PNPLA7: variants seen among roughly 807,000 people sequenced by gnomAD.
The protein encoded by PNPLA7 is patatin like domain 7, lysophospholipase, also known as patatin-like phospholipase domain-containing protein 7.
In PNPLA7, 153 loss-of-function variants were observed where a neutral mutation model predicts 161.7. The observed-to-expected ratio is 0.95, with a 90% confidence interval of 0.83 to 1.08. The LOEUF (loss-of-function observed/expected upper bound fraction) is 1.08, where lower values mean the gene tolerates loss of function less well. PNPLA7 is among the 50% of genes least tolerant of loss of function. The probability of loss-of-function intolerance (pLI) is 0.00; values close to 1 mark genes in which losing one functional copy is unlikely to be tolerated. For synonymous variants in PNPLA7, 809 were observed against 782.1 expected (o/e 1.03, Z -0.57); for missense variants, 1,739 against 1,856.6 (o/e 0.94, Z 1.16).
At chr9:137,545,736 G>C (rs1326063275) in intron 4 of PNPLA7, among the ~76,000 whole-genome samples, 1 of 152,224 alleles carries the variant, frequency 6.6e-6, no homozygotes, top group Non-Finnish European at 1.5e-5. Flanking sequence ...TAGGAGCTGA[G>C]GGGACATAGT....
chr9:137,463,521 C>T lies in PNPLA7; in HGVS notation c.3237G>A (p.Trp1079Ter). 1 of 1,578,580 alleles carries T rather than the reference C, an allele frequency of 6.3e-7. No individual in the cohort carries two copies. The highest frequency in any genetic ancestry group is 1.2e-5 in the South Asian group (1 of 86,420). The change falls in exon 29 of 35, where the codon TGG becomes TGA. Residue 1079 changes from tryptophan to a stop codon, truncating the protein, a stop_gained. Coordinates refer to ENST00000406427, the MANE Select transcript of PNPLA7 (RefSeq NM_001098537.3). LOFTEE classifies it high-confidence loss of function. ...AMRVHTDGSL[W>*]WYVRASMSLS... ...GGGACATGCTGGCACGCACGTACCA[C>T]CACAGGGAGCCTGGGGAGGGGGCCC...
chr9:137,511,931 C>A (rs1467199399), intron 12 of PNPLA7, among the ~76,000 whole-genome samples: 2 of 152,184 alleles, frequency 1.3e-5, no homozygotes, highest in African/African-American at 2.4e-5. Context: ...AGGTGACTTG[C>A]TTGTCCTTAT....
intron 1 of PNPLA7, among the ~76,000 whole-genome samples, chr9:137,549,434 G>A (rs1452729703): frequency 6.6e-6 from 1 of 152,186 alleles, no homozygotes; most frequent in Non-Finnish European, 1.5e-5. Context: ...GCCGGGCGTG[G>A]TGGTGGGCGC....
Position 137,522,745 on chromosome 9 carries a change from A to C in PNPLA7, c.860T>G (p.Leu287Arg). 6.2e-7 allele frequency: 1 copy of C among 1,613,622 alleles called. No individual in the cohort carries two copies. The change falls in exon 9 of 35, where the codon CTG (leucine) becomes CGG (arginine). Residue 287 changes from leucine to arginine, a missense_variant. By Grantham distance (102) the Leu-to-Arg change is moderately radical. Coordinates refer to ENST00000406427, the MANE Select transcript of PNPLA7 (RefSeq NM_001098537.3). ...GTGACTCACCTGCACCACCCTCACCAGAGTTTCCGGATATTTCTCAAAAAC... is the reference window on the plus strand; with the variant it reads ...GTGACTCACCTGCACCACCCTCACCCGAGTTTCCGGATATTTCTCAAAAAC... ...HGVFEKYPET[L>R]VRVVQIIMVR...
At chr9:137,534,261 C>T (rs1019251412) in intron 8 of PNPLA7, among the ~76,000 whole-genome samples, 16 of 150,048 alleles carry the variant, frequency 1.1e-4, no homozygotes, top group Admixed American at 2.0e-4. Context: ...GGAGCACTCC[C>T]AGGCTCCTCA....
Position 137,500,658 on chromosome 9 carries a change from G to A in PNPLA7, c.1757+33C>T, listed in dbSNP as rs758734791. 1 of 1,601,122 alleles carries A rather than the reference G, an allele frequency of 6.2e-7. No individual in the cohort carries two copies. The highest frequency in any genetic ancestry group is 8.5e-7 in the Non-Finnish European group (1 of 1,172,244). Reference sequence around the variant, plus strand: ...GGGTCTCAGGGCAGGGGGGGCTGGGGCCCGCCCTGAGGTCCTGGCCCGTGG... The same window carrying A: ...GGGTCTCAGGGCAGGGGGGGCTGGGACCCGCCCTGAGGTCCTGGCCCGTGG... On this transcript the variant is annotated intron_variant, in intron 16 of 34. Transcript: ENST00000406427. The surrounding 1 kb of genome is among the most constrained non-coding windows in gnomAD (Gnocchi z 5.5).
rs1832193997 is a variant in PNPLA7, at chr9:137,481,039, C to T, written c.2348-16G>A. On this transcript the variant is annotated splice_polypyrimidine_tract_variant and intron_variant, in intron 21 of 34. Transcript: ENST00000406427. ...AGGGTCGGGCCTGAAAACACCACCA[C>T]CAGTAACGGAGCCTGCCTGGGCAGC... 5 of 1,551,592 alleles carry T rather than the reference C, an allele frequency of 3.2e-6. No individual in the cohort carries two copies. In the East Asian group the frequency reaches 1.2e-4, roughly 38 times the overall value.
chr9:137,512,769 C>T (rs761417074), intron 12 of PNPLA7, among the ~76,000 whole-genome samples: 7 of 151,440 alleles, frequency 4.6e-5, no homozygotes, highest in African/African-American at 1.7e-4. Context: ...GCAAGACACC[C>T]TCTCTACAGG....
rs546269845 is a variant in PNPLA7 at position 137,462,822 on chromosome 9, G to C, written c.3355C>G (p.Arg1119Gly). Residue 1119 changes from arginine to glycine, a missense_variant, in exon 30 of 35, where the codon CGG becomes GGG. Transcript: ENST00000406427. ...YINNLPADVA[R>G]SMGAKVVIAI... ...ATCACCACTTTTGCCCCCATGGACCGGGCCACATCCGCTAGGGAGAAGCCA... is the reference window on the plus strand; with the variant it reads ...ATCACCACTTTTGCCCCCATGGACCCGGCCACATCCGCTAGGGAGAAGCCA... 11 of 1,613,802 alleles carry C rather than the reference G, an allele frequency of 6.8e-6. No homozygotes were observed. Among genetic ancestry groups the C allele is most frequent in the Admixed American group, 5.0e-5 (3 of 60,016 alleles).
At position 137,497,303 on chromosome 9, in the gene PNPLA7, C is replaced by A. The variant is rs1005290251; in HGVS notation, c.1897G>T (p.Asp633Tyr). 4 of 1,567,872 alleles carry A rather than the reference C, an allele frequency of 2.6e-6. No individual in the cohort carries two copies. The highest frequency in any genetic ancestry group is 1.4e-5 in the African/African-American group (1 of 72,580). ...EAGRAIYRQG[D>Y]KSDCTYIMLS... The stretch of plus-strand genomic sequence containing the variant: ...ATGATGTACGTGCAGTCGGACTTGT[C>A]CCCCTGCCTGCGGAAGACACAGAGG... The change falls in exon 18 of 35, where the codon GAC (aspartate) becomes TAC (tyrosine). Residue 633 changes from aspartate to tyrosine, a missense_variant. Transcript: ENST00000406427.
chr9:137,503,466 G>T (rs1479848494), intron 14 of PNPLA7, among the ~76,000 whole-genome samples: 3 of 122,168 alleles, frequency 2.5e-5, no homozygotes, highest in Admixed American at 8.7e-5. Context: ...GGAGGGGGAA[G>T]GAGAAGGAGG....
intron 17 of PNPLA7, 147 bp downstream of exon 17, chr9:137,497,967 G>C: frequency 1.6e-6 from 2 of 1,263,174 alleles, no homozygotes; most frequent in Non-Finnish European, 2.2e-6. Flanking sequence ...GCTAAGCTGG[G>C]GTGGGGCTGG....
At chr9:137,546,157 G>A (rs1356736199) in intron 4 of PNPLA7, among the ~76,000 whole-genome samples, 3 of 152,058 alleles carry the variant, frequency 2.0e-5, no homozygotes, top group Admixed American at 1.3e-4. Context: ...AAAAGTCTCT[G>A]ATATGCAGAA....
At chr9:137,510,503 C>A (rs1474330526) in intron 12 of PNPLA7, among the ~76,000 whole-genome samples, 1 of 152,202 alleles carries the variant, frequency 6.6e-6, no homozygotes, top group East Asian at 1.9e-4. Flanking sequence ...GGAAGGGCCC[C>A]CTGTCCAGTG....
intron 25 of PNPLA7, among the ~76,000 whole-genome samples, chr9:137,474,563 G>A (rs949291482): frequency 1.1e-4 from 17 of 152,166 alleles, no homozygotes; most frequent in South Asian, 2.1e-4. Flanking sequence ...AAACGCACGC[G>A]GACCTCAGAG....
intron 14 of PNPLA7, among the ~76,000 whole-genome samples, chr9:137,503,768 A>AAGAAC (rs1833670018): frequency 1.6e-4 from 1 of 6,386 alleles, no homozygotes; most frequent in African/African-American, 8.4e-4. Context: ...AGAAAGAAAA[A>AAGAAC]GAAGAAAAAA....
In PNPLA7 at chr9:137,467,305, G is replaced by A; in HGVS notation, c.3039+12C>T. The A allele has an allele frequency of 6.2e-7, 1 of 1,608,974 alleles. No homozygotes were observed. Among genetic ancestry groups the A allele is most frequent in the Middle Eastern group, 1.7e-4 (1 of 6,010 alleles). On this transcript the variant is annotated intron_variant, in intron 26 of 34. Coordinates refer to ENST00000406427, the MANE Select transcript of PNPLA7 (RefSeq NM_001098537.3). This position sits in a 1 kb window ranked among gnomAD's most constrained non-coding sequence, Gnocchi z 5.1. ...GGCTGTGCTCCGGTGAGGGTGATGGGTGCCTGCTTACCTCGGCCCACTGCT... is the reference window on the plus strand; with the variant it reads ...GGCTGTGCTCCGGTGAGGGTGATGGATGCCTGCTTACCTCGGCCCACTGCT...
chr9:137,532,271 T>C (rs1028526274), intron 8 of PNPLA7, among the ~76,000 whole-genome samples: 3 of 152,126 alleles, frequency 2.0e-5, no homozygotes, highest in African/African-American at 2.4e-5. Flanking sequence ...ACCTTGTTTC[T>C]ACTAAAAATA....
In PNPLA7 at chr9:137,537,265, G is replaced by A. The variant is rs571240964; in HGVS notation, c.747+3377C>T. ...GTTTGATGAGGAAAAACGATGTCAC[G>A]GCAGATGATCAACTGATCACAATAC... On this transcript the variant is annotated intron_variant, in intron 8 of 34. Coordinates refer to ENST00000406427, the MANE Select transcript of PNPLA7 (RefSeq NM_001098537.3). This position sits in a 1 kb window ranked among gnomAD's most constrained non-coding sequence, Gnocchi z 4.5. 4.6e-5 allele frequency among the ~76,000 whole-genome samples: 7 copies of A among 152,182 alleles called. No individual in the cohort carries two copies. The highest frequency in any genetic ancestry group is 2.1e-4 in the South Asian group (1 of 4,814).
Sources: gnomAD v4.1 joint callset for allele counts (sites outside exome capture counted in the v4.1 genomes callset) on GRCh38, gnomAD v4.1.1 for gene constraint, Gnocchi (gnomAD v3.1) non-coding constraint, MANE v1.5 for transcripts, NCBI Gene and HGNC (gene_info 2026-07-23, HGNC 2026-07-21) for gene names.